Variants in CNTN4 observed in about 807,000 individuals in gnomAD.
CNTN4 encodes the protein contactin-4.
Under a neutral mutation model 122.5 loss-of-function variants are expected in CNTN4, and 77 were observed. The ratio of observed to expected loss-of-function variants is 0.63; its 90% confidence interval spans 0.52 to 0.76. The LOEUF (loss-of-function observed/expected upper bound fraction) is 0.76. CNTN4 is among the 30% of genes least tolerant of loss of function. CNTN4 has a pLI of 0.00. For missense variants in CNTN4, 1,256 were observed against 1,259.1 expected (o/e 1.00, Z 0.04); for synonymous variants, 512 against 447.0 (o/e 1.15, Z -1.83).
rs1232665523 is a variant in CNTN4 at position 2,666,406 on chromosome 3, T to TG, written c.56-69808dup. On this transcript the variant is annotated intron_variant, in intron 4 of 24. Coordinates refer to ENST00000418658, the MANE Select transcript of CNTN4 (RefSeq NM_175607.3). ...GAACTGGTATTAAGAAAATAGACAT[T>TG]GAAAAAAACTGTTTCAGGGAAAAAA... Among the ~76,000 whole-genome samples, 13 of 152,220 alleles carry TG rather than the reference T, an allele frequency of 8.5e-5. No individual in the cohort carries two copies. The East Asian group carries it at 2.3e-3, about 27-fold the overall frequency.
chr3:2,641,917 C>T (rs932691551), intron 4 of CNTN4, among the ~76,000 whole-genome samples: 1 of 152,200 alleles, frequency 6.6e-6, no homozygotes, highest in South Asian at 2.1e-4. Context: ...GTACTTCTTT[C>T]ACACCTTAAC....
chr3:2,967,144 G>T (rs766866717), intron 13 of CNTN4, among the ~76,000 whole-genome samples: 25 of 152,112 alleles, frequency 1.6e-4, no homozygotes, highest in Admixed American at 9.8e-4. Flanking sequence ...TGGGGAGCAG[G>T]GGGCAGTGAG....
At chr3:2,988,270 G>A in intron 13 of CNTN4, 75 bp from the exon 14 acceptor site, 1 of 1,377,944 alleles carries the variant, frequency 7.3e-7, no homozygotes. Context: ...AACAATGACA[G>A]AATGACAGAA....
chr3:2,480,912 A>G (rs1057373175), intron 3 of CNTN4, among the ~76,000 whole-genome samples: 35 of 152,326 alleles, frequency 2.3e-4, no homozygotes, highest in African/African-American at 8.4e-4. Flanking sequence ...ATAGATCAGA[A>G]CAGAGAGCCC....
At chr3:2,226,346 G>C (rs527909482) in intron 2 of CNTN4, among the ~76,000 whole-genome samples, 2 of 152,082 alleles carry the variant, frequency 1.3e-5, no homozygotes, top group Non-Finnish European at 2.9e-5. Flanking sequence ...CATGTTTATT[G>C]ATGAGGAATT....
rs78834090 is a variant in CNTN4, at chr3:2,709,440, G to T, written c.56-26775G>T. Among the ~76,000 whole-genome samples, 5,190 of 152,130 alleles carry T rather than the reference G, an allele frequency of 0.034. 282 individuals are homozygous for T. The highest frequency in any genetic ancestry group is 0.12 in the African/African-American group (4,907 of 41,482). On this transcript the variant is annotated intron_variant, in intron 4 of 24. Coordinates refer to ENST00000418658, the MANE Select transcript of CNTN4 (RefSeq NM_175607.3). The surrounding 1 kb of genome is among the most constrained non-coding windows in gnomAD (Gnocchi z 5.0). ...AGGGATTTTCAAAGTTCCCTCAGGT[G>T]ATCATCGTGTGCAATGGGGGATGGG...
intron 3 of CNTN4, among the ~76,000 whole-genome samples, chr3:2,401,894 T>C (rs1377253668): frequency 1.3e-5 from 2 of 152,188 alleles, no homozygotes; most frequent in Non-Finnish European, 2.9e-5. Context: ...AAAGCAATTT[T>C]GTTTGCCAGC....
At chr3:2,163,374 A>T (rs2036047287) in intron 2 of CNTN4, among the ~76,000 whole-genome samples, 1 of 152,202 alleles carries the variant, frequency 6.6e-6, no homozygotes, top group South Asian at 2.1e-4. Context: ...AAAGACTTAA[A>T]TCTAAGACAT....
At chr3:2,302,057 AC>A (rs2042545808) in intron 2 of CNTN4, among the ~76,000 whole-genome samples, 1 of 152,178 alleles carries the variant, frequency 6.6e-6, no homozygotes, top group Admixed American at 6.5e-5. Flanking sequence ...CTGATCTTAA[AC>A]CCATTTATAT....
At chr3:2,490,068 C>T (rs1443260702) in intron 3 of CNTN4, among the ~76,000 whole-genome samples, 4 of 151,110 alleles carry the variant, frequency 2.6e-5, no homozygotes, top group Non-Finnish European at 5.9e-5. Flanking sequence ...ATTATTATCT[C>T]TACCAGGAAA....
chr3:2,521,343 T>TCGCCCAC (rs781282977), intron 3 of CNTN4, among the ~76,000 whole-genome samples: 60,299 of 128,722 alleles, frequency 0.47, 11,786 homozygotes, highest in East Asian at 0.64. Context: ...CCTCTACCCA[T>TCGCCCAC]CCCCCCCACC....
At chr3:2,489,283 A>T (rs1047145834) in intron 3 of CNTN4, among the ~76,000 whole-genome samples, 38 of 152,208 alleles carry the variant, frequency 2.5e-4, no homozygotes, top group Admixed American at 7.2e-4. Context: ...AGCAGTCATC[A>T]TAGTGATTAA....
chr3:3,009,079 G>C, intron 14 of CNTN4: 1 of 969,238 alleles, frequency 1.0e-6, no homozygotes. Context: ...CACCTCCGGA[G>C]CCACAATTAG....
chr3:2,213,052 A>G (rs1153535), intron 2 of CNTN4, among the ~76,000 whole-genome samples: 118,157 of 152,110 alleles, frequency 0.78, 46,159 homozygotes, highest in East Asian at 0.88. Flanking sequence ...ATGGGCATCA[A>G]TCTCATAAAT....
In CNTN4 at chr3:2,709,859, C is replaced by T. The variant is rs545324559; in HGVS notation, c.56-26356C>T. ...GTCCAGCAGTGAGCTGAGACTGCGC[C>T]ACTGCACTCCAGCCTGGGTGACAGG... On this transcript the variant is annotated intron_variant, in intron 4 of 24. Transcript: ENST00000418658. This position sits in a 1 kb window ranked among gnomAD's most constrained non-coding sequence, Gnocchi z 5.0. Among the ~76,000 whole-genome samples, 1 of 152,122 alleles carries T rather than the reference C, an allele frequency of 6.6e-6. No individual in the cohort carries two copies. Among genetic ancestry groups the T allele is most frequent in the African/African-American group, 2.4e-5 (1 of 41,512 alleles).
chr3:2,903,254 A>C (rs552438233), intron 12 of CNTN4, among the ~76,000 whole-genome samples: 12 of 152,228 alleles, frequency 7.9e-5, no homozygotes, highest in Non-Finnish European at 1.8e-4. Context: ...TTATTCCTCT[A>C]TTGACTGCAC....
intron 3 of CNTN4, among the ~76,000 whole-genome samples, chr3:2,352,606 C>T (rs571131687): frequency 6.4e-4 from 98 of 152,252 alleles, no homozygotes; most frequent in African/African-American, 2.1e-3. Flanking sequence ...AAATTCTCAC[C>T]GGGCCTCTGC....
At chr3:2,573,968 A>G (rs1181197777) in intron 4 of CNTN4, among the ~76,000 whole-genome samples, 1 of 152,086 alleles carries the variant, frequency 6.6e-6, no homozygotes, top group Non-Finnish European at 1.5e-5. Context: ...TGTAACCCCA[A>G]CAGTTTGGGA....
At chr3:2,596,808 T>C (rs2080790805) in intron 4 of CNTN4, among the ~76,000 whole-genome samples, 1 of 152,194 alleles carries the variant, frequency 6.6e-6, no homozygotes, top group South Asian at 2.1e-4. Context: ...ATCCATGTAA[T>C]TTTAATACAA....
Sources: gnomAD v4.1 joint callset for allele counts (sites outside exome capture counted in the v4.1 genomes callset) on GRCh38, gnomAD v4.1.1 for gene constraint, Gnocchi (gnomAD v3.1) non-coding constraint, MANE v1.5 for transcripts, NCBI Gene and HGNC (gene_info 2026-07-23, HGNC 2026-07-21) for gene names.